ANKFN1: variants seen among roughly 807,000 people sequenced by gnomAD.
The protein encoded by ANKFN1 is ankyrin repeat and fibronectin type-III domain-containing protein 1.
ANKFN1 carries 74 observed loss-of-function variants against 108.7 expected under a neutral mutation model. That is an observed-to-expected ratio of 0.68 (90% confidence interval 0.56 to 0.83). The LOEUF (loss-of-function observed/expected upper bound fraction) is 0.83, where lower values mean the gene tolerates loss of function less well. Ranked by LOEUF, ANKFN1 falls within the 40% of genes least tolerant of loss-of-function variation. The pLI is 0.00. For missense variants in ANKFN1, 1,505 were observed against 1,382.3 expected (o/e 1.09, Z -1.41); for synonymous variants, 547 against 516.2 (o/e 1.06, Z -0.81).
chr17:56,425,461 T>A (rs2048533861), intron 8 of ANKFN1, among the ~76,000 whole-genome samples: 1 of 152,216 alleles, frequency 6.6e-6, no homozygotes, highest in Admixed American at 6.5e-5. Context: ...TCTGATCACA[T>A]AATGGCTGAT....
intron 13 of ANKFN1, 53 bp downstream of exon 13, chr17:56,457,442 C>T (rs2049746854): frequency 6.6e-7 from 1 of 1,505,732 alleles, no homozygotes; most frequent in Non-Finnish European, 8.9e-7. Context: ...TGTTACTGCA[C>T]AAAAATCTCT....
chr17:56,060,046 T>C (rs1288525960), intron 4 of ANKFN1, among the ~76,000 whole-genome samples: 1 of 152,248 alleles, frequency 6.6e-6, no homozygotes, highest in East Asian at 1.9e-4. Flanking sequence ...ATAATATTGA[T>C]TCTTCCTATC....
At chr17:56,467,033 G>A (rs1478939223) in intron 15 of ANKFN1, among the ~76,000 whole-genome samples, 3 of 152,184 alleles carry the variant, frequency 2.0e-5, no homozygotes, top group South Asian at 2.1e-4. Flanking sequence ...GGGGAGAATC[G>A]CTGGAACCTG....
chr17:56,423,098 A>C (rs186472403), intron 8 of ANKFN1, among the ~76,000 whole-genome samples: 1 of 152,238 alleles, frequency 6.6e-6, no homozygotes, highest in Non-Finnish European at 1.5e-5. Flanking sequence ...GTTTAAAAAA[A>C]GTGTAGATAT....
At chr17:56,227,364 T>G (rs181492608) in intron 2 of ANKFN1, among the ~76,000 whole-genome samples, 1 of 152,238 alleles carries the variant, frequency 6.6e-6, no homozygotes, top group East Asian at 1.9e-4. Context: ...AATAGAAACT[T>G]GGCATTGGTT....
intron 6 of ANKFN1, 77 bp from the exon 7 acceptor site, chr17:56,372,569 A>G (rs2046839123): frequency 7.6e-7 from 1 of 1,317,988 alleles, no homozygotes; most frequent in African/African-American, 1.5e-5. Flanking sequence ...ATCATAGTAA[A>G]CTCTGGGATA....
At chr17:56,188,808 G>A (rs1174136638) in intron 1 of ANKFN1, among the ~76,000 whole-genome samples, 1 of 151,308 alleles carries the variant, frequency 6.6e-6, no homozygotes, top group Non-Finnish European at 1.5e-5. Context: ...CCCTAATGAG[G>A]CAACTCTTGA....
intron 3 of ANKFN1, among the ~76,000 whole-genome samples, chr17:56,238,957 A>G (rs1328515488): frequency 6.6e-6 from 1 of 152,120 alleles, no homozygotes; most frequent in Non-Finnish European, 1.5e-5. Context: ...CTCAAGTTAC[A>G]ATTTTTAAAA....
At position 56,200,121 on chromosome 17, in the gene ANKFN1, C is replaced by A. The variant is rs545361732; in HGVS notation, c.-70-12477C>A. Among the ~76,000 whole-genome samples the A allele has an allele frequency of 1.3e-4, 20 of 152,270 alleles. No individual in the cohort carries two copies. The South Asian group carries it at 4.1e-3, about 32-fold the overall frequency. ...TCAACTCTTGAGTATTACTGGAACACATAAACTGTAAAATGTTTTGAGGCT... is the reference window on the plus strand; with the variant it reads ...TCAACTCTTGAGTATTACTGGAACAAATAAACTGTAAAATGTTTTGAGGCT... On this transcript the variant is annotated intron_variant, in intron 1 of 20. Transcript: ENST00000682825.
intron 3 of ANKFN1, among the ~76,000 whole-genome samples, chr17:56,242,100 A>G (rs1917628601): frequency 6.6e-6 from 1 of 152,112 alleles, no homozygotes; most frequent in African/African-American, 2.4e-5. Flanking sequence ...AGAAAATGAA[A>G]CTGTGAGTAA....
intron 3 of ANKFN1, among the ~76,000 whole-genome samples, chr17:56,303,118 C>G (rs2044720001): frequency 6.6e-6 from 1 of 152,170 alleles, no homozygotes; most frequent in South Asian, 2.1e-4. Flanking sequence ...AAGTTGGATA[C>G]CAAATTTTCA....
chr17:56,129,543 A>G (rs1272374361), intron 4 of ANKFN1, among the ~76,000 whole-genome samples: 1 of 152,184 alleles, frequency 6.6e-6, no homozygotes, highest in Non-Finnish European at 1.5e-5. Context: ...AGTCATGGGA[A>G]TTCTTTTTAA....
At chr17:56,274,299 C>T (rs2043862807) in intron 3 of ANKFN1, among the ~76,000 whole-genome samples, 2 of 152,070 alleles carry the variant, frequency 1.3e-5, no homozygotes, top group Admixed American at 1.3e-4. Context: ...TGGTGAAACC[C>T]CGTCTCTAGT....
At chr17:56,284,157 G>A (rs1429651591) in intron 3 of ANKFN1, among the ~76,000 whole-genome samples, 1 of 152,180 alleles carries the variant, frequency 6.6e-6, no homozygotes, top group African/African-American at 2.4e-5. Context: ...TCATGTTCAT[G>A]TATGAGAGAA....
chr17:56,463,860 C>T (rs562948812), intron 14 of ANKFN1: 4 of 152,210 alleles, frequency 2.6e-5, no homozygotes, highest in Non-Finnish European at 5.9e-5. Flanking sequence ...CTTCACCTTC[C>T]CATGTCCACA....
At chr17:56,120,357 A>G (rs1906540597) in intron 4 of ANKFN1, among the ~76,000 whole-genome samples, 1 of 152,072 alleles carries the variant, frequency 6.6e-6, no homozygotes, top group Non-Finnish European at 1.5e-5. Flanking sequence ...TTCGGACTTG[A>G]TCTATGATAT....
At chr17:56,423,414 T>G (rs968590874) in intron 8 of ANKFN1, among the ~76,000 whole-genome samples, 1 of 152,218 alleles carries the variant, frequency 6.6e-6, no homozygotes, top group East Asian at 1.9e-4. Flanking sequence ...TTGTAAGATT[T>G]AAATGTCTCC....
At chr17:56,379,577 A>T (rs990760703) in intron 8 of ANKFN1, among the ~76,000 whole-genome samples, 10 of 152,194 alleles carry the variant, frequency 6.6e-5, no homozygotes, top group Non-Finnish European at 7.4e-5. Flanking sequence ...TTGTTTTTCT[A>T]ATCCTACAAC....
At chr17:56,208,518 G>A (rs569612622) in intron 1 of ANKFN1, among the ~76,000 whole-genome samples, 3 of 152,188 alleles carry the variant, frequency 2.0e-5, no homozygotes, top group Non-Finnish European at 4.4e-5. Context: ...TAGGGGTAAA[G>A]CCAGTGCCTT....
Sources: allele counts gnomAD v4.1 joint callset (sites outside exome capture counted in the v4.1 genomes callset), GRCh38; gene constraint gnomAD v4.1.1; transcripts MANE v1.5; gene names NCBI Gene and HGNC (gene_info 2026-07-23, HGNC 2026-07-21).